CDH18: variants seen among roughly 807,000 people sequenced by gnomAD.
CDH18 encodes cadherin 18, also known as cadherin-18.
A neutral mutation model predicts 67.9 loss-of-function variants in CDH18; 31 were observed. The ratio of observed to expected loss-of-function variants is 0.46; its 90% CI spans 0.34 to 0.62. The LOEUF (loss-of-function observed/expected upper bound fraction) is 0.62, where lower values mean the gene tolerates loss of function less well. Ranked by LOEUF, CDH18 falls within the 20% of genes least tolerant of loss-of-function variation. The probability of loss-of-function intolerance (pLI) is 0.01; values close to 1 mark genes in which losing one functional copy is unlikely to be tolerated. For synonymous variants in CDH18, 362 were observed against 347.2 expected, an observed-to-expected ratio of 1.04 and a Z score of -0.48; for missense variants, 890 against 975.5, an observed-to-expected ratio of 0.91 and a Z score of 1.17.
rs533537371 is a variant in CDH18, at chr5:20,503,434, T to C, written c.-580+72028A>G. Among the ~76,000 whole-genome samples the C allele has an allele frequency of 1.9e-3, 282 of 152,274 alleles. 4 individuals are homozygous for C. Among genetic ancestry groups the C allele is most frequent in the Non-Finnish European group, 2.8e-4 (19 of 68,030 alleles). On this transcript the variant is annotated intron_variant, in intron 1 of 14. Transcript: ENST00000507958. ...ATAAAATTAATGAAAAATCATAGAA[T>C]TAATCCCTATGAGTTATCAGTCACA...
Position 20,427,818 on chromosome 5 carries a change from T to C in CDH18, c.-580+147644A>G, listed in dbSNP as rs930131732. Among the ~76,000 whole-genome samples, 5 of 151,232 alleles carry C rather than the reference T, an allele frequency of 3.3e-5. 1 individual carries two copies. The highest frequency in any genetic ancestry group is 7.4e-5 in the African/African-American group (3 of 40,528). ...CCTAATGTTTCAGAAAAAAAGTCTG[T>C]ATGAAGAAATGCAACATTTAGGCTT... On this transcript the variant is annotated intron_variant, in intron 1 of 14. Coordinates refer to the CDH18 transcript ENST00000507958.
intron 1 of CDH18, among the ~76,000 whole-genome samples, chr5:20,399,575 T>C (rs1745586177): frequency 6.6e-6 from 1 of 152,202 alleles, no homozygotes; most frequent in Non-Finnish European, 1.5e-5. Context: ...CACTCCATCT[T>C]TCTGAATCTG....
At chr5:19,548,209 ATT>A (rs1453432773) in intron 8 of CDH18, among the ~76,000 whole-genome samples, 3 of 152,096 alleles carry the variant, frequency 2.0e-5, no homozygotes, top group African/African-American at 7.2e-5. Context: ...TATCAGAAAT[ATT>A]TAGAAAATAC....
At chr5:19,645,868 T>C (rs1242666940) in intron 5 of CDH18, among the ~76,000 whole-genome samples, 1 of 152,118 alleles carries the variant, frequency 6.6e-6, no homozygotes, top group Non-Finnish European at 1.5e-5. Context: ...ATTTACTTTA[T>C]AAAAAGGAAG....
In CDH18 at chr5:19,605,776, G is replaced by A. The variant is rs557602573; in HGVS notation, c.811+6658C>T. ...TACTGAGGGTATTTAAAAATATGTAGTGCTGGTTGAAAGAGTCCAAGCAAA... is the reference window on the plus strand; with the variant it reads ...TACTGAGGGTATTTAAAAATATGTAATGCTGGTTGAAAGAGTCCAAGCAAA... On this transcript the variant is annotated intron_variant, in intron 6 of 12. Transcript: ENST00000382275. 2.8e-4 allele frequency among the ~76,000 whole-genome samples: 42 copies of A among 152,204 alleles called. No individual in the cohort carries two copies. The South Asian group carries it at 8.7e-3, about 32-fold the overall frequency.
chr5:19,609,438 C>G (rs1316903452), intron 6 of CDH18, among the ~76,000 whole-genome samples: 2 of 151,878 alleles, frequency 1.3e-5, no homozygotes, highest in African/African-American at 2.4e-5. Context: ...TGACAAGCAG[C>G]CTGTTTCCTC....
chr5:19,649,222 A>G (rs1755222940), intron 5 of CDH18, among the ~76,000 whole-genome samples: 1 of 152,160 alleles, frequency 6.6e-6, no homozygotes, highest in Non-Finnish European at 1.5e-5. Flanking sequence ...TAGAACAGAA[A>G]TAGTCTTTGA....
At chr5:20,151,333 G>A (rs986893138) in intron 2 of CDH18, among the ~76,000 whole-genome samples, 3 of 152,044 alleles carry the variant, frequency 2.0e-5, no homozygotes, top group Admixed American at 6.6e-5. Context: ...TCCTTTTTAT[G>A]GCTGCATGGT....
chr5:19,528,086 T>C (rs769051453), intron 9 of CDH18, among the ~76,000 whole-genome samples: 1 of 151,836 alleles, frequency 6.6e-6, no homozygotes, highest in Non-Finnish European at 1.5e-5. Context: ...ACGAAAAATA[T>C]GTATTCTATT....
intron 2 of CDH18, among the ~76,000 whole-genome samples, chr5:19,948,315 A>C (rs991219116): frequency 1.3e-5 from 2 of 152,122 alleles, no homozygotes; most frequent in African/African-American, 4.8e-5. Context: ...TCTGTACACA[A>C]ATGTTTATAA....
chr5:19,590,484 G>GGATAGGTAGATA, intron 7 of CDH18, among the ~76,000 whole-genome samples: 1 of 149,818 alleles, frequency 6.7e-6, no homozygotes, highest in Non-Finnish European at 1.5e-5. Flanking sequence ...CTAGACAGAT[G>GGATAGGTAGATA]GATAGATAGA....
At chr5:20,470,473 T>C (rs1289178413) in intron 1 of CDH18, among the ~76,000 whole-genome samples, 1 of 152,194 alleles carries the variant, frequency 6.6e-6, no homozygotes, top group African/African-American at 2.4e-5. Context: ...ATGTCTATTC[T>C]GTAACTTTTC....
At chr5:19,483,702 G>A (rs989239898) in intron 11 of CDH18, 150 bp from the exon 12 acceptor site, 3 of 763,200 alleles carry the variant, frequency 3.9e-6, no homozygotes, top group Non-Finnish European at 6.0e-6. Context: ...TTATTAAAGA[G>A]AAGCTAATAT....
At position 19,571,549 on chromosome 5, in the gene CDH18, C is replaced by T. The variant is rs550930599; in HGVS notation, c.1253+30G>A. On this transcript the variant is annotated intron_variant, in intron 8 of 12. Transcript: ENST00000382275. ...AATGTGAGAGGCAATAAAAATCTTT[C>T]TATGTCTAAACGATTGAAGCATGCC... 265 of 1,579,386 alleles carry T rather than the reference C, an allele frequency of 1.7e-4. 3 individuals carry two copies. In the South Asian group the frequency reaches 2.4e-3, roughly 14 times the overall value.
chr5:19,494,470 C>T (rs1220871033), intron 11 of CDH18, among the ~76,000 whole-genome samples: 5 of 152,310 alleles, frequency 3.3e-5, no homozygotes, highest in Non-Finnish European at 7.4e-5. Flanking sequence ...TAGAGTCTAA[C>T]TCCGAAACAT....
intron 1 of CDH18, among the ~76,000 whole-genome samples, chr5:20,290,065 G>T (rs1746992461): frequency 6.6e-6 from 1 of 152,038 alleles, no homozygotes; most frequent in Admixed American, 6.6e-5. Context: ...TTTCCCAAAG[G>T]CAGGGAGAAA....
At chr5:19,906,567 T>C (rs1790566272) in intron 2 of CDH18, among the ~76,000 whole-genome samples, 2 of 151,986 alleles carry the variant, frequency 1.3e-5, no homozygotes, top group South Asian at 2.1e-4. Flanking sequence ...TGGCTTCTTC[T>C]TATCGCATCA....
chr5:19,711,858 T>G (rs1303856), intron 5 of CDH18, among the ~76,000 whole-genome samples: 9,932 of 151,984 alleles, frequency 0.065, 901 homozygotes, highest in African/African-American at 0.21. Context: ...CAAAAGCATA[T>G]CTATACCCAT....
In CDH18 at chr5:19,774,807, T is replaced by A. The variant is rs112355770; in HGVS notation, c.229-27571A>T. 2.0e-4 allele frequency among the ~76,000 whole-genome samples: 5 copies of A among 24,934 alleles called. No individual in the cohort carries two copies. In the Admixed American group the frequency reaches 3.2e-3, roughly 16 times the overall value. The allele number at this position is 24,934 out of a possible 152,430, so 16.4% of individuals were successfully genotyped here. On this transcript the variant is annotated intron_variant, in intron 3 of 12. Transcript: ENST00000382275. ...CTGAGTGACAGAGCAAGACTCTGTC[T>A]CAAAAAAAAAAAAAAAAAAAAAAAA... is the stretch of plus-strand genomic sequence containing the variant.
Sources: allele counts gnomAD v4.1 joint callset (sites outside exome capture counted in the v4.1 genomes callset), GRCh38; gene constraint gnomAD v4.1.1; transcripts MANE v1.5; gene names NCBI Gene and HGNC (gene_info 2026-07-23, HGNC 2026-07-21).